The following CCNY variants were observed in gnomAD, a reference collection of about 807,000 sequenced individuals.
CCNY encodes the protein cyclin Y, also known as cyclin-Y.
CCNY carries 19 observed loss-of-function variants against 42.8 expected under a neutral mutation model. The ratio of observed to expected loss-of-function variants is 0.44; its 90% CI spans 0.31 to 0.65. The LOEUF (loss-of-function observed/expected upper bound fraction) is 0.65. Among genes scored for constraint, CCNY ranks in the 30% least tolerant of loss-of-function variants. The probability of loss-of-function intolerance (pLI) is 0.07; values close to 1 mark genes in which losing one functional copy is unlikely to be tolerated. For synonymous variants in CCNY, 165 were observed against 162.7 expected (o/e 1.01, Z -0.11); for missense variants, 370 against 437.3 (o/e 0.85, Z 1.37).
At position 35,546,301 on chromosome 10, in the gene CCNY, C is replaced by T. The variant is rs187920042; in HGVS notation, c.580-6718C>T. ...ATCTCATTTGCATATATCCTCAATT[C>T]CACAAGTTTTATCCCCTCCAAATGC... is the stretch of plus-strand genomic sequence containing the variant. On this transcript the variant is annotated intron_variant, in intron 7 of 9. Transcript: ENST00000374704. Among the ~76,000 whole-genome samples the T allele has an allele frequency of 2.8e-3, 428 of 152,346 alleles. 2 individuals are homozygous for T. The highest frequency in any genetic ancestry group is 0.011 in the Admixed American group (171 of 15,306).
At chr10:35,517,332 C>A (rs1840450956) in intron 4 of CCNY, among the ~76,000 whole-genome samples, 1 of 152,118 alleles carries the variant, frequency 6.6e-6, no homozygotes, top group Non-Finnish European at 1.5e-5. Flanking sequence ...GTAATAATGA[C>A]CCTTGGCAAG....
intron 3 of CCNY, among the ~76,000 whole-genome samples, chr10:35,504,051 A>G (rs1840166162): frequency 6.6e-6 from 1 of 152,048 alleles, no homozygotes; most frequent in African/African-American, 2.4e-5. Context: ...ATACCATTTC[A>G]TTTTTTATTT....
At chr10:35,535,808 A>T (rs1172256793) in intron 7 of CCNY, among the ~76,000 whole-genome samples, 2 of 152,230 alleles carry the variant, frequency 1.3e-5, no homozygotes, top group Non-Finnish European at 2.9e-5. Context: ...TGCATAGGTT[A>T]TATGAAAATG....
chr10:35,521,750 G>A (rs1840551767), intron 4 of CCNY, among the ~76,000 whole-genome samples: 1 of 152,140 alleles, frequency 6.6e-6, no homozygotes, highest in Non-Finnish European at 1.5e-5. Flanking sequence ...GCTTTCCAGG[G>A]GCCGGATGGC....
intron 1 of CCNY, among the ~76,000 whole-genome samples, chr10:35,478,394 C>A (rs1839571714): frequency 3.3e-5 from 5 of 151,630 alleles, no homozygotes. Flanking sequence ...AACTATACTA[C>A]AAGGCTACAG....
At chr10:35,262,649 G>A (rs184051534) in intron 3 of CCNY, among the ~76,000 whole-genome samples, 30 of 152,068 alleles carry the variant, frequency 2.0e-4, no homozygotes, top group African/African-American at 5.1e-4. Context: ...GGGGTGAGTC[G>A]CCATGACTGG....
chr10:35,551,467 T>A (rs1424803353), intron 7 of CCNY, among the ~76,000 whole-genome samples: 1 of 152,248 alleles, frequency 6.6e-6, no homozygotes, highest in Non-Finnish European at 1.5e-5. Context: ...TGAATAATTA[T>A]AACATTAATG....
At chr10:35,420,802 G>A (rs1242122942) in intron 1 of CCNY, among the ~76,000 whole-genome samples, 1 of 152,208 alleles carries the variant, frequency 6.6e-6, no homozygotes, top group Non-Finnish European at 1.5e-5. Flanking sequence ...AATGTGAACG[G>A]AGACTAATTT....
At chr10:35,394,917 A>G (rs1837489681) in intron 1 of CCNY, 1 of 852,150 alleles carries the variant, frequency 1.2e-6, no homozygotes, top group Non-Finnish European at 1.4e-6. Flanking sequence ...GGAGTATTGT[A>G]AAACTCACTG....
intron 1 of CCNY, among the ~76,000 whole-genome samples, chr10:35,392,814 A>G (rs560887758): frequency 6.6e-6 from 1 of 152,312 alleles, no homozygotes; most frequent in East Asian, 1.9e-4. Flanking sequence ...AGTTGTGGCC[A>G]TTACAGAGCC....
chr10:35,426,528 G>A (rs1838277863), intron 1 of CCNY, among the ~76,000 whole-genome samples: 1 of 152,182 alleles, frequency 6.6e-6, no homozygotes, highest in African/African-American at 2.4e-5. Flanking sequence ...GACTTTGGGT[G>A]GCCATCAAGA....
intron 1 of CCNY, among the ~76,000 whole-genome samples, chr10:35,446,233 A>AGTACTAAATGTTC (rs1464566162): frequency 3.3e-5 from 5 of 152,264 alleles, no homozygotes; most frequent in Non-Finnish European, 7.3e-5. Context: ...TTTTAAAAAT[A>AGTACTAAATGTTC]GTACTAAATG....
At chr10:35,280,660 A>C (rs1835290635) in intron 3 of CCNY, among the ~76,000 whole-genome samples, 1 of 152,224 alleles carries the variant, frequency 6.6e-6, no homozygotes, top group Non-Finnish European at 1.5e-5. Flanking sequence ...TCTTAAAAGT[A>C]AACATAGAAA....
chr10:35,308,167 G>C (rs980697677), intron 3 of CCNY, among the ~76,000 whole-genome samples: 1 of 151,870 alleles, frequency 6.6e-6, no homozygotes, highest in Admixed American at 6.6e-5. Flanking sequence ...GGAGCTGTTA[G>C]TTTGTCTAAG....
chr10:35,430,173 TA>T (rs1430527146), intron 1 of CCNY, among the ~76,000 whole-genome samples: 1 of 150,612 alleles, frequency 6.6e-6, no homozygotes, highest in Non-Finnish European at 1.5e-5. Context: ...CCGTCTCTAC[TA>T]AAAATACAAA....
intron 1 of CCNY, among the ~76,000 whole-genome samples, chr10:35,442,728 C>T (rs763150252): frequency 1.1e-4 from 17 of 152,118 alleles, no homozygotes; most frequent in Admixed American, 2.0e-4. Flanking sequence ...GGCTACGGGA[C>T]GGGCTATTGA....
intron 8 of CCNY, among the ~76,000 whole-genome samples, chr10:35,559,507 A>G (rs1190713609): frequency 6.6e-6 from 1 of 152,242 alleles, no homozygotes; most frequent in Non-Finnish European, 1.5e-5. Flanking sequence ...CAGTCTATCC[A>G]TATGGCAAAA....
chr10:35,316,496 G>A (rs1347844187), intron 3 of CCNY: 1 of 152,186 alleles, frequency 6.6e-6, no homozygotes, highest in Non-Finnish European at 1.5e-5. Context: ...TTGCACAACT[G>A]CCATTCAGAA....
chr10:35,480,265 C>A (rs577892201), intron 1 of CCNY, among the ~76,000 whole-genome samples: 1 of 152,254 alleles, frequency 6.6e-6, no homozygotes, highest in East Asian at 1.9e-4. Context: ...ATGAAGGAAA[C>A]GTGACAGGGT....
Sources: allele counts gnomAD v4.1 joint callset (sites outside exome capture counted in the v4.1 genomes callset), GRCh38; gene constraint gnomAD v4.1.1; transcripts MANE v1.5; gene names NCBI Gene and HGNC (gene_info 2026-07-23, HGNC 2026-07-21).